MARCHF1: variants seen among roughly 807,000 people sequenced by gnomAD.
The protein encoded by MARCHF1 is membrane associated ring-CH-type finger 1.
In MARCHF1, 40 loss-of-function variants were observed where a neutral mutation model predicts 54.2. The observed-to-expected ratio is 0.74, with a 90% CI of 0.57 to 0.96. MARCHF1 has a LOEUF of 0.96. Ranked by LOEUF, MARCHF1 falls within the 40% of genes least tolerant of loss-of-function variation. The pLI is 0.00. For synonymous variants in MARCHF1, 236 were observed against 236.3 expected (o/e 1.00, Z 0.01); for missense variants, 586 against 656.5 (o/e 0.89, Z 1.17).
At chr4:163,590,129 T>G (rs1210056899) in intron 7 of MARCHF1, among the ~76,000 whole-genome samples, 2 of 151,042 alleles carry the variant, frequency 1.3e-5, no homozygotes, top group East Asian at 1.9e-4. Context: ...AAAGTAGGGG[T>G]CTTTTTTGGG....
At chr4:163,559,122 CTA>C (rs1439977757) in intron 8 of MARCHF1, among the ~76,000 whole-genome samples, 2 of 152,270 alleles carry the variant, frequency 1.3e-5, no homozygotes, top group African/African-American at 4.8e-5. Context: ...AAACCTATTT[CTA>C]TGTCTCTTTC....
chr4:163,533,732 C>T (rs1738439267), intron 9 of MARCHF1, among the ~76,000 whole-genome samples: 1 of 149,234 alleles, frequency 6.7e-6, no homozygotes. Flanking sequence ...GAGATTAGTT[C>T]CATGAATTCA....
At chr4:164,029,694 A>G (rs6828312) in intron 2 of MARCHF1, among the ~76,000 whole-genome samples, 61,002 of 151,920 alleles carry the variant, frequency 0.4, 12,942 homozygotes, top group Middle Eastern at 0.59. Context: ...TCCTGGGTTA[A>G]AGCGATTCTC....
intron 1 of MARCHF1, among the ~76,000 whole-genome samples, chr4:164,150,293 G>A (rs544191629): frequency 3.9e-5 from 6 of 152,150 alleles, no homozygotes; most frequent in African/African-American, 1.4e-4. Flanking sequence ...AGTGTTGTGT[G>A]CTTTGCAAAA....
chr4:163,723,850 C>G (rs1745562004), intron 4 of MARCHF1, among the ~76,000 whole-genome samples: 1 of 152,180 alleles, frequency 6.6e-6, no homozygotes, highest in Non-Finnish European at 1.5e-5. Flanking sequence ...TCACGTAGTT[C>G]TTGTGCCATG....
rs528568764 is a variant in MARCHF1 at position 164,154,101 on chromosome 4, A to G, written c.-322-42439T>C. ...TTTTAAACAAATATTCTTTCAAAAG[A>G]CAATAAAATTGTTTACATGTACTTC... is the stretch of plus-strand genomic sequence containing the variant. On this transcript the variant is annotated intron_variant, in intron 1 of 9. Transcript: ENST00000514618. Among the ~76,000 whole-genome samples the G allele has an allele frequency of 2.6e-5, 4 of 152,356 alleles. No individual in the cohort carries two copies. The East Asian group carries it at 5.8e-4, about 22-fold the overall frequency.
intron 3 of MARCHF1, among the ~76,000 whole-genome samples, chr4:163,943,813 G>A (rs1751968016): frequency 6.7e-6 from 1 of 149,986 alleles, no homozygotes; most frequent in South Asian, 2.1e-4. Context: ...GCCTTCCACG[G>A]AATTTAAACC....
At chr4:164,247,643 T>TAAA (rs1351738709) in intron 1 of MARCHF1, among the ~76,000 whole-genome samples, 1 of 113,342 alleles carries the variant, frequency 8.8e-6, no homozygotes, top group Non-Finnish European at 1.9e-5. Flanking sequence ...AAAAAGAAAG[T>TAAA]AAAAAAAAAA....
At chr4:164,134,850 T>TAAAA (rs5863662) in intron 1 of MARCHF1, among the ~76,000 whole-genome samples, 8 of 145,750 alleles carry the variant, frequency 5.5e-5, no homozygotes, top group Non-Finnish European at 1.0e-4. Flanking sequence ...TCAGTCTTAG[T>TAAAA]AAAAAAAAAA....
intron 4 of MARCHF1, among the ~76,000 whole-genome samples, chr4:163,834,953 C>T (rs923528979): frequency 3.3e-5 from 5 of 152,126 alleles, no homozygotes; most frequent in Admixed American, 6.5e-5. Context: ...GTGATTGTAG[C>T]TCACTATAAC....
At chr4:164,347,470 C>T (rs1014668786) in intron 1 of MARCHF1, among the ~76,000 whole-genome samples, 1 of 152,182 alleles carries the variant, frequency 6.6e-6, no homozygotes, top group Non-Finnish European at 1.5e-5. Context: ...CCCTCTGCAT[C>T]ATGTCAAATT....
At chr4:164,176,941 G>GCGCTCTCTCTCT (rs1440878007) in intron 1 of MARCHF1, among the ~76,000 whole-genome samples, 1 of 58,132 alleles carries the variant, frequency 1.7e-5, no homozygotes, top group East Asian at 3.7e-4. Flanking sequence ...TACCTTGTGC[G>GCGCTCTCTCTCT]CTCTCTCTCT....
intron 7 of MARCHF1, among the ~76,000 whole-genome samples, chr4:163,603,846 T>C (rs377061546): frequency 3.0e-4 from 46 of 152,240 alleles, no homozygotes; most frequent in East Asian, 1.7e-3. Flanking sequence ...TCTGTGGGAA[T>C]TGAATAAAGA....
chr4:163,713,040 C>T (rs1333839698), intron 4 of MARCHF1, among the ~76,000 whole-genome samples: 1 of 152,018 alleles, frequency 6.6e-6, no homozygotes, highest in Non-Finnish European at 1.5e-5. Flanking sequence ...CGACTCATCT[C>T]CTTTCATCAT....
At chr4:164,211,319 G>A (rs1731763659) in intron 1 of MARCHF1, among the ~76,000 whole-genome samples, 2 of 76,338 alleles carry the variant, frequency 2.6e-5, no homozygotes, top group South Asian at 1.1e-3. Flanking sequence ...CTGCATATGT[G>A]TATGTATGTA....
intron 2 of MARCHF1, among the ~76,000 whole-genome samples, chr4:164,035,963 C>A (rs1271783999): frequency 1.8e-4 from 26 of 144,370 alleles, no homozygotes; most frequent in African/African-American, 6.1e-4. Context: ...ATTAACCAGG[C>A]ATGGTGGTGT....
intron 2 of MARCHF1, among the ~76,000 whole-genome samples, chr4:164,006,012 A>G (rs1753278602): frequency 6.6e-6 from 1 of 152,236 alleles, no homozygotes; most frequent in Non-Finnish European, 1.5e-5. Context: ...GAAAACTAGA[A>G]TAAATTACTA....
chr4:163,730,949 C>T (rs183786954), intron 4 of MARCHF1, among the ~76,000 whole-genome samples: 48 of 152,240 alleles, frequency 3.2e-4, no homozygotes, highest in African/African-American at 1.1e-3. Context: ...TCTCCTTTTT[C>T]AGGTTTCTAA....
At chr4:164,092,863 A>G (rs562561296) in intron 2 of MARCHF1, among the ~76,000 whole-genome samples, 2 of 152,128 alleles carry the variant, frequency 1.3e-5, no homozygotes, top group Non-Finnish European at 2.9e-5. Context: ...TTATGTCTAG[A>G]ACACAGGGGA....
Sources: allele counts gnomAD v4.1 joint callset (sites outside exome capture counted in the v4.1 genomes callset), GRCh38; gene constraint gnomAD v4.1.1; transcripts MANE v1.5; gene names NCBI Gene and HGNC (gene_info 2026-07-23, HGNC 2026-07-21).